Variants in PSTPIP1 observed in about 807,000 individuals in gnomAD.
The protein encoded by PSTPIP1 is proline-serine-threonine phosphatase-interacting protein 1.
Under a neutral mutation model 69.6 loss-of-function variants are expected in PSTPIP1, and 66 were observed. The ratio of observed to expected loss-of-function variants is 0.95; its 90% CI spans 0.78 to 1.16. PSTPIP1 has a LOEUF of 1.16. Ranked by LOEUF, PSTPIP1 falls within the 50% of genes most tolerant of loss-of-function variation. PSTPIP1 has a pLI of 0.00. For synonymous variants in PSTPIP1, 266 were observed against 222.7 expected, an observed-to-expected ratio of 1.19 and a Z score of -1.73; for missense variants, 603 against 557.4, an observed-to-expected ratio of 1.08 and a Z score of -0.82.
At chr15:77,028,790 C>G in intron 7 of PSTPIP1, 138 bp downstream of exon 7, 1 of 788,828 alleles carries the variant, frequency 1.3e-6, no homozygotes, top group Admixed American at 3.4e-5. Flanking sequence ...CCCAATCTCC[C>G]CATCTGTGAA....
At chr15:77,028,871 C>A (rs994126125) in intron 7 of PSTPIP1, among the ~76,000 whole-genome samples, 1 of 152,216 alleles carries the variant, frequency 6.6e-6, no homozygotes, top group East Asian at 1.9e-4. Flanking sequence ...CACCGTCAGG[C>A]GGCACTCAGG....
At chr15:77,032,639 C>T (rs892667823) in intron 11 of PSTPIP1, 22 of 615,318 alleles carry the variant, frequency 3.6e-5, no homozygotes, top group Middle Eastern at 2.6e-4. Context: ...GGAGCTCCCA[C>T]GGCCCCCACT....
At chr15:77,030,789 C>T (rs997049272) in intron 9 of PSTPIP1, among the ~76,000 whole-genome samples, 5 of 152,232 alleles carry the variant, frequency 3.3e-5, no homozygotes, top group Non-Finnish European at 7.3e-5. Flanking sequence ...CCCTTCGTTG[C>T]AGGCAGGCAT....
intron 7 of PSTPIP1, 45 bp downstream of exon 7, chr15:77,028,697 C>T (rs781045469): frequency 2.1e-6 from 3 of 1,448,520 alleles, no homozygotes; most frequent in Non-Finnish European, 1.9e-6. Context: ...GGGCTGGGGG[C>T]AGTGGGGGAG....
intron 10 of PSTPIP1, chr15:77,031,758 G>GC (rs1230349539): frequency 5.6e-6 from 1 of 178,532 alleles, no homozygotes. Context: ...AGGGCCCCCA[G>GC]CCAGGGTCCC....
chr15:77,011,716 C>T (rs1290004076), intron 1 of PSTPIP1, among the ~76,000 whole-genome samples: 1 of 152,110 alleles, frequency 6.6e-6, no homozygotes, highest in Non-Finnish European at 1.5e-5. Context: ...GTCAGGGGAC[C>T]CCTAGACACC....
At chr15:77,033,882 G>A (rs749507706) in intron 12 of PSTPIP1, among the ~76,000 whole-genome samples, 4 of 152,236 alleles carry the variant, frequency 2.6e-5, no homozygotes, top group South Asian at 2.1e-4. Context: ...CAGCACACCC[G>A]CAGCCTCACA....
rs76009365 is a variant in PSTPIP1 at position 77,018,385 on chromosome 15, T to G, written c.138-72T>G. On this transcript the variant is annotated intron_variant, in intron 2 of 14. Coordinates refer to ENST00000558012, the MANE Select transcript of PSTPIP1 (RefSeq NM_003978.5). Reference sequence around the variant, plus strand: ...CCCTGCTTTAAAAAACTCTTCTGTGTTCCCTCAAACCTGGGCCTCCCCCAG... The same window carrying G: ...CCCTGCTTTAAAAAACTCTTCTGTGGTCCCTCAAACCTGGGCCTCCCCCAG... The G allele has an allele frequency of 0.066, 101,796 of 1,542,420 alleles. 3,904 individuals carry two copies. The highest frequency in any genetic ancestry group is 0.077 in the Non-Finnish European group (87,543 of 1,139,198).
chr15:77,014,728 C>T (rs2076016269), intron 1 of PSTPIP1, among the ~76,000 whole-genome samples: 1 of 152,254 alleles, frequency 6.6e-6, no homozygotes, highest in Non-Finnish European at 1.5e-5. Context: ...GGCCGGCTCA[C>T]AGGCCTGGGC....
intron 1 of PSTPIP1, among the ~76,000 whole-genome samples, chr15:77,009,987 G>C (rs76709699): frequency 0.023 from 3,432 of 152,258 alleles, 108 homozygotes; most frequent in African/African-American, 0.071. Flanking sequence ...GCAAGGAGCC[G>C]TGCTCTTCCT....
upstream of PSTPIP1, chr15:76,994,838 G>GC: frequency 7.8e-7 from 1 of 1,289,138 alleles, no homozygotes; most frequent in South Asian, 1.2e-5. Flanking sequence ...AGAATGACTT[G>GC]CTAGTGCGGG....
At chr15:77,007,901 G>GAAC in intron 1 of PSTPIP1, 1 of 455,970 alleles carries the variant, frequency 2.2e-6, no homozygotes, top group Non-Finnish European at 4.4e-6. Flanking sequence ...ACTGGCAATA[G>GAAC]AACACTTTGA....
intron 1 of PSTPIP1, among the ~76,000 whole-genome samples, chr15:76,997,906 A>AT (rs1302642311): frequency 2.7e-5 from 4 of 150,458 alleles, no homozygotes; most frequent in Non-Finnish European, 4.4e-5. Context: ...AGGCACTGTC[A>AT]TTAAACCCTT....
In PSTPIP1 at chr15:77,035,928, C is replaced by T. The variant is rs34908107; in HGVS notation, c.1112C>T (p.Thr371Ile). ...AQEYRALYDY[T>I]AQNPDELDLS... ...GAGTACCGGGCGCTCTACGATTATA[C>T]AGCGCAGGTGAGGCCTCTATACCCC... Residue 371 changes from threonine to isoleucine, a missense_variant, in exon 14 of 15, where the codon ACA becomes ATA. By Grantham distance (89) the Thr-to-Ile change is moderately conservative (BLOSUM62 -1). Transcript: ENST00000558012. 6.6e-4 allele frequency: 1,062 copies of T among 1,602,112 alleles called. 5 individuals carry two copies. In the African/African-American group the frequency reaches 0.012, roughly 18 times the overall value.
At chr15:76,997,561 A>T (rs555944050) in intron 1 of PSTPIP1, among the ~76,000 whole-genome samples, 199 of 152,338 alleles carry the variant, frequency 1.3e-3, no homozygotes, top group African/African-American at 4.3e-3. Flanking sequence ...AGATGAGGAA[A>T]TTGAGGCACG....
rs1596123288 is a variant in PSTPIP1, at chr15:77,031,204, CG to C, written c.669del (p.Leu224Ter). ...GGCCTTTCAGCTGCAAGAGTTTGACCGGCTGACCATTCTCCGCAACGCCCTG... is the reference window on the plus strand; with the variant it reads ...GGCCTTTCAGCTGCAAGAGTTTGACCGCTGACCATTCTCCGCAACGCCCTG... ...CEAFQLQEFD[R>X]LTILRNALWV... On this transcript the variant is annotated frameshift_variant, in exon 10 of 15. Transcript: ENST00000558012. LOFTEE classifies it high-confidence loss of function. 1.2e-6 allele frequency: 2 copies of C among 1,612,886 alleles called. No individual in the cohort carries two copies. Among genetic ancestry groups the C allele is most frequent in the Non-Finnish European group, 1.7e-6 (2 of 1,179,626 alleles).
chr15:77,035,627 C>T (rs1180284219), intron 13 of PSTPIP1, 64 bp downstream of exon 13: 12 of 1,518,580 alleles, frequency 7.9e-6, no homozygotes, highest in Non-Finnish European at 1.1e-5. Context: ...AGGTCTCCCA[C>T]ATGGCACAGA....
chr15:77,024,071 G>C (rs1035855277), intron 3 of PSTPIP1: 12 of 152,344 alleles, frequency 7.9e-5, no homozygotes, highest in African/African-American at 2.9e-4. Flanking sequence ...TCTGTGAAAT[G>C]GGATAATAAA....
At chr15:77,014,716 C>T (rs1202145386) in intron 1 of PSTPIP1, among the ~76,000 whole-genome samples, 1 of 152,246 alleles carries the variant, frequency 6.6e-6, no homozygotes, top group Non-Finnish European at 1.5e-5. Flanking sequence ...GTGGAGGGCC[C>T]TGGCCGGCTC....
Sources: allele counts gnomAD v4.1 joint callset (sites outside exome capture counted in the v4.1 genomes callset), GRCh38; gene constraint gnomAD v4.1.1; transcripts MANE v1.5; gene names NCBI Gene and HGNC (gene_info 2026-07-23, HGNC 2026-07-21).